The following PRDM5 variants were observed in gnomAD, a reference collection of about 807,000 sequenced individuals.
PRDM5 encodes the protein PR domain zinc finger protein 5.
In PRDM5, 56 loss-of-function variants were observed where a neutral mutation model predicts 81.2. That is an observed-to-expected ratio of 0.69 (90% CI 0.56 to 0.86). The LOEUF (loss-of-function observed/expected upper bound fraction) is 0.86. PRDM5 is among the 40% of genes least tolerant of loss of function. The pLI, the probability that PRDM5 is intolerant of heterozygous loss-of-function variation, is 0.00. For missense variants in PRDM5, 697 were observed against 770.1 expected (o/e 0.91, Z 1.12); for synonymous variants, 267 against 256.4 (o/e 1.04, Z -0.39).
intron 11 of PRDM5, among the ~76,000 whole-genome samples, chr4:120,782,962 C>A (rs1749256135): frequency 6.6e-6 from 1 of 151,958 alleles, no homozygotes; most frequent in Non-Finnish European, 1.5e-5. Flanking sequence ...TTGCAGATTT[C>A]TTTGTGTTAA....
At chr4:120,843,359 T>A (rs777867645) in intron 3 of PRDM5, among the ~76,000 whole-genome samples, 2 of 151,258 alleles carry the variant, frequency 1.3e-5, no homozygotes, top group Non-Finnish European at 2.9e-5. Flanking sequence ...TTAATTAATT[T>A]AATTTAATGC....
chr4:120,688,605 T>C (rs1733922392), downstream of PRDM5, among the ~76,000 whole-genome samples: 1 of 152,166 alleles, frequency 6.6e-6, no homozygotes, highest in Non-Finnish European at 1.5e-5. Flanking sequence ...TTTAAAGTTT[T>C]GGGTTTTACA....
At chr4:120,766,442 T>C (rs577556739) in intron 13 of PRDM5, among the ~76,000 whole-genome samples, 1 of 152,372 alleles carries the variant, frequency 6.6e-6, no homozygotes, top group Non-Finnish European at 1.5e-5. Flanking sequence ...CAAATACTAA[T>C]TTTACGGTAG....
intron 15 of PRDM5, among the ~76,000 whole-genome samples, chr4:120,699,256 A>G (rs1735013007): frequency 6.8e-6 from 1 of 146,490 alleles, no homozygotes; most frequent in Non-Finnish European, 1.5e-5. Flanking sequence ...CTCATCACAT[A>G]TGATGATGTC....
chr4:120,742,622 C>A (rs537120629), intron 14 of PRDM5, among the ~76,000 whole-genome samples: 3 of 152,028 alleles, frequency 2.0e-5, no homozygotes, highest in Non-Finnish European at 2.9e-5. Flanking sequence ...TTGAGAACTA[C>A]GTGAAGAATG....
Position 120,821,212 on chromosome 4 carries a change from T to A in PRDM5, c.434A>T (p.Glu145Val), listed in dbSNP as rs367672112. The change falls in exon 4 of 16, where the codon GAA (glutamate) becomes GTA (valine). Residue 145 changes from glutamate to valine, a missense_variant. By Grantham distance (121) the Glu-to-Val change is moderately radical (BLOSUM62 -2). Around this residue, in one of 3 missense-constraint regions of PRDM5, gnomAD observed 577 missense variants for 606.7 expected, o/e 0.95. Coordinates refer to ENST00000264808, the MANE Select transcript of PRDM5 (RefSeq NM_018699.4). ...TGATTGTCTTCTAGAATTTTCAACT[T>A]CCCCTTCTTTGATGACTGTCATAAT... ...QQIMTVIKEG[E>V]VENSRRQSTA... is the part of the protein sequence containing the mutation. 4 of 1,614,070 alleles carry A rather than the reference T, an allele frequency of 2.5e-6. No individual in the cohort carries two copies. In the African/African-American group the frequency reaches 5.3e-5, roughly 22 times the overall value.
At chr4:120,752,121 T>C (rs1470127740) in intron 14 of PRDM5, among the ~76,000 whole-genome samples, 2 of 152,194 alleles carry the variant, frequency 1.3e-5, no homozygotes, top group African/African-American at 4.8e-5. Context: ...GCAGAGGTTG[T>C]TCCTCTAGCA....
chr4:120,920,606 GGAAAAGGAACT>G (rs1264581417), intron 1 of PRDM5, among the ~76,000 whole-genome samples: 9 of 152,284 alleles, frequency 5.9e-5, no homozygotes, highest in Admixed American at 3.3e-4. Flanking sequence ...GATTTTGGAA[GGAAAAGGAACT>G]GAAGCTTGCT....
At chr4:120,784,562 T>C (rs1027283319) in intron 11 of PRDM5, among the ~76,000 whole-genome samples, 5 of 152,134 alleles carry the variant, frequency 3.3e-5, no homozygotes, top group Non-Finnish European at 7.4e-5. Context: ...GGTGTCCGAT[T>C]AGATGTGCAC....
downstream of PRDM5, among the ~76,000 whole-genome samples, chr4:120,688,947 T>C (rs994886653): frequency 2.6e-5 from 4 of 152,176 alleles, no homozygotes; most frequent in African/African-American, 9.6e-5. Context: ...CTCAGGATTG[T>C]TTTGGCTTAT....
At chr4:120,902,309 G>C (rs1561668614) in intron 2 of PRDM5, among the ~76,000 whole-genome samples, 1 of 152,214 alleles carries the variant, frequency 6.6e-6, no homozygotes, top group Non-Finnish European at 1.5e-5. Flanking sequence ...AGTGCCTGGA[G>C]AAAACGTACT....
intron 3 of PRDM5, among the ~76,000 whole-genome samples, chr4:120,834,101 G>A (rs1262834258): frequency 6.6e-6 from 1 of 152,076 alleles, no homozygotes; most frequent in East Asian, 1.9e-4. Context: ...TCAACACGTG[G>A]AGGGACTGAA....
At chr4:120,885,134 C>CAAA (rs60623556) in intron 2 of PRDM5, among the ~76,000 whole-genome samples, 3,235 of 50,550 alleles carry the variant, frequency 0.064, 163 homozygotes, top group African/African-American at 0.094. Flanking sequence ...GACTCCGTAT[C>CAAA]AAAAAAAAAA....
intron 2 of PRDM5, among the ~76,000 whole-genome samples, chr4:120,879,815 G>A (rs1762667226): frequency 6.6e-6 from 1 of 151,904 alleles, no homozygotes; most frequent in African/African-American, 2.4e-5. Context: ...TCTGGAAAAG[G>A]CAAAACTATG....
chr4:120,837,777 TCA>T (rs1323540121), intron 3 of PRDM5: 3 of 152,162 alleles, frequency 2.0e-5, no homozygotes, highest in Non-Finnish European at 2.9e-5. Context: ...TAGGGTTAAC[TCA>T]CAGCAAGAAT....
chr4:120,858,953 T>C (rs1340935674), intron 2 of PRDM5, among the ~76,000 whole-genome samples: 3 of 152,028 alleles, frequency 2.0e-5, no homozygotes, highest in African/African-American at 7.2e-5. Flanking sequence ...TTTGGGTGAG[T>C]CGTTTCCTCT....
At chr4:120,919,340 G>A (rs925790714) in intron 1 of PRDM5, among the ~76,000 whole-genome samples, 2 of 152,168 alleles carry the variant, frequency 1.3e-5, no homozygotes, top group African/African-American at 4.8e-5. Flanking sequence ...TGTATTCCCA[G>A]GGCCTAGTAC....
Position 120,802,395 on chromosome 4 carries a change from TACAGTGGGTGCAGG to T in PRDM5, c.946-2664_946-2651del, listed in dbSNP as rs1291819282. Reference sequence around the variant, plus strand: ...GGGTTCATCTCACTGAGGCTTGTCGTACAGTGGGTGCAGGACAGTGGGTGCCTGACTCCCAAGTA... The same window carrying T: ...GGGTTCATCTCACTGAGGCTTGTCGTACAGTGGGTGCCTGACTCCCAAGTA... On this transcript the variant is annotated intron_variant, in intron 8 of 15. Coordinates refer to ENST00000264808, the MANE Select transcript of PRDM5 (RefSeq NM_018699.4). Among the ~76,000 whole-genome samples the T allele has an allele frequency of 3.7e-4, 56 of 152,254 alleles. No individual in the cohort carries two copies. The Middle Eastern group carries it at 0.01, about 28-fold the overall frequency.
chr4:120,693,003 C>T lies in PRDM5; in HGVS notation c.*2108G>A, dbSNP rs2148981086. 1 of 152,090 alleles carries T rather than the reference C, an allele frequency of 6.6e-6. No individual in the cohort carries two copies. Among genetic ancestry groups the T allele is most frequent in the Non-Finnish European group, 1.5e-5 (1 of 67,986 alleles). 9.4% of individuals were successfully genotyped at this position (152,090 alleles called of 1,614,324 possible). The stretch of plus-strand genomic sequence containing the variant: ...CTAAGGACTTGTTTTGGTTTCAGTC[C>T]TCTGAAAGGAGAGAGTGGTGTACCA... On this transcript the variant is annotated 3_prime_UTR_variant, in exon 16 of 16. Transcript: ENST00000264808.
Sources: allele counts gnomAD v4.1 joint callset (sites outside exome capture counted in the v4.1 genomes callset), GRCh38; gene constraint gnomAD v4.1.1; regional missense constraint gnomAD v4.1.1; transcripts MANE v1.5; gene names NCBI Gene and HGNC (gene_info 2026-07-23, HGNC 2026-07-21).